CCSER1: variants seen among roughly 807,000 people sequenced by gnomAD.
CCSER1 encodes the protein serine-rich coiled-coil domain-containing protein 1.
Under a neutral mutation model 82.0 loss-of-function variants are expected in CCSER1, and 41 were observed. The observed-to-expected ratio is 0.50, with a 90% confidence interval of 0.39 to 0.65. The LOEUF (loss-of-function observed/expected upper bound fraction) is 0.65. Among genes scored for constraint, CCSER1 ranks in the 30% least tolerant of loss-of-function variants. CCSER1 has a pLI of 0.00. For synonymous variants in CCSER1, 414 were observed against 383.9 expected (o/e 1.08, Z -0.92); for missense variants, 1,119 against 1,064.2 (o/e 1.05, Z -0.72).
At chr4:91,178,830 T>A (rs1733690051) in intron 10 of CCSER1, among the ~76,000 whole-genome samples, 1 of 152,316 alleles carries the variant, frequency 6.6e-6, no homozygotes, top group South Asian at 2.1e-4. Context: ...TGTGTGAATT[T>A]GATCCTGTCA....
chr4:90,330,571 A>G (rs1739097009), intron 3 of CCSER1, among the ~76,000 whole-genome samples: 1 of 152,168 alleles, frequency 6.6e-6, no homozygotes, highest in South Asian at 2.1e-4. Flanking sequence ...CCAGCCGTCC[A>G]CTGGAAGTTG....
At chr4:90,795,287 C>CAAA (rs55780432) in intron 7 of CCSER1, among the ~76,000 whole-genome samples, 1 of 127,604 alleles carries the variant, frequency 7.8e-6, no homozygotes, top group Admixed American at 8.0e-5. Flanking sequence ...AACTCTGTCT[C>CAAA]AAAAAAAAAA....
chr4:90,704,202 G>A (rs1738802143), intron 6 of CCSER1, among the ~76,000 whole-genome samples: 2 of 152,180 alleles, frequency 1.3e-5, no homozygotes, highest in African/African-American at 4.8e-5. Context: ...TTGCTTGTGT[G>A]TAAAGGATTT....
chr4:91,178,341 G>A (rs1278911927), intron 10 of CCSER1, among the ~76,000 whole-genome samples: 1 of 152,098 alleles, frequency 6.6e-6, no homozygotes, highest in African/African-American at 2.4e-5. Flanking sequence ...TTGGTGCAGA[G>A]CTGAGTTCAA....
chr4:90,130,475 G>C (rs900301027), intron 1 of CCSER1, among the ~76,000 whole-genome samples: 6 of 152,048 alleles, frequency 3.9e-5, no homozygotes, highest in African/African-American at 1.4e-4. Context: ...AAAAATATAA[G>C]GTATAAGATG....
At chr4:90,825,007 G>A (rs1017174892) in intron 8 of CCSER1, among the ~76,000 whole-genome samples, 20 of 152,040 alleles carry the variant, frequency 1.3e-4, no homozygotes, top group African/African-American at 4.8e-4. Context: ...TACATAATGG[G>A]GACTGCCTCC....
chr4:90,780,785 T>C (rs1300692427), intron 7 of CCSER1: 1 of 1,155,706 alleles, frequency 8.7e-7, no homozygotes, highest in East Asian at 4.9e-5. Context: ...GACTAAAGTA[T>C]CAATATTTCC....
intron 1 of CCSER1, among the ~76,000 whole-genome samples, chr4:90,221,413 A>G (rs544310278): frequency 6.6e-6 from 1 of 152,282 alleles, no homozygotes; most frequent in South Asian, 2.1e-4. Flanking sequence ...AAAATTCAGC[A>G]TATTTACAGA....
intron 10 of CCSER1, among the ~76,000 whole-genome samples, chr4:91,594,000 C>T (rs1464036783): frequency 6.6e-6 from 1 of 152,102 alleles, no homozygotes; most frequent in Non-Finnish European, 1.5e-5. Context: ...ATAATGTGCA[C>T]AGTCGACTGA....
chr4:91,553,598 A>T (rs1762264889), intron 10 of CCSER1, among the ~76,000 whole-genome samples: 1 of 150,488 alleles, frequency 6.6e-6, no homozygotes, highest in South Asian at 2.1e-4. Flanking sequence ...CAGTCTCCTT[A>T]CTTATTATTA....
chr4:90,996,720 T>G (rs984772864), intron 9 of CCSER1, among the ~76,000 whole-genome samples: 7 of 152,140 alleles, frequency 4.6e-5, no homozygotes, highest in African/African-American at 1.7e-4. Context: ...ATTCTAAATT[T>G]TTTTCATTTC....
chr4:90,564,383 A>C (rs11734079), intron 5 of CCSER1, among the ~76,000 whole-genome samples: 42,187 of 152,026 alleles, frequency 0.28, 6,241 homozygotes, highest in East Asian at 0.51. Context: ...TATTTGTCTT[A>C]TTATTGAGTT....
intron 10 of CCSER1, among the ~76,000 whole-genome samples, chr4:91,332,384 T>G (rs1747019025): frequency 6.6e-6 from 1 of 151,762 alleles, no homozygotes; most frequent in Admixed American, 6.6e-5. Flanking sequence ...GTGGAGAAAT[T>G]TTAGATATAA....
chr4:91,311,228 A>G (rs1745451841), intron 10 of CCSER1, among the ~76,000 whole-genome samples: 1 of 151,932 alleles, frequency 6.6e-6, no homozygotes, highest in South Asian at 2.1e-4. Flanking sequence ...CAGGACTTTT[A>G]AGTACCTGCT....
At chr4:90,713,403 C>A (rs540643186) in intron 6 of CCSER1, among the ~76,000 whole-genome samples, 40 of 151,908 alleles carry the variant, frequency 2.6e-4, no homozygotes, top group African/African-American at 8.9e-4. Flanking sequence ...CACTTATGAA[C>A]CTTAGTTTGG....
chr4:91,031,899 G>A (rs1226776565), intron 9 of CCSER1, among the ~76,000 whole-genome samples: 1 of 152,004 alleles, frequency 6.6e-6, no homozygotes, highest in Non-Finnish European at 1.5e-5. Flanking sequence ...ATTCATTCAT[G>A]TGTCATATAG....
intron 4 of CCSER1, among the ~76,000 whole-genome samples, chr4:90,429,142 G>A (rs1405296403): frequency 6.6e-6 from 1 of 151,716 alleles, no homozygotes; most frequent in Non-Finnish European, 1.5e-5. Context: ...TAAATTCAAA[G>A]TAGTTTTAAA....
intron 1 of CCSER1, among the ~76,000 whole-genome samples, chr4:90,225,331 C>T (rs1189063014): frequency 1.3e-5 from 2 of 150,982 alleles, no homozygotes; most frequent in African/African-American, 4.9e-5. Context: ...CCACCATGGC[C>T]TCCTAAAGTG....
At chr4:90,756,674 C>G (rs1350057587) in intron 7 of CCSER1, among the ~76,000 whole-genome samples, 1 of 152,046 alleles carries the variant, frequency 6.6e-6, no homozygotes, top group Non-Finnish European at 1.5e-5. Context: ...TTTTAGAAGA[C>G]TTGGCAAGAT....
Sources: allele counts gnomAD v4.1 joint callset (sites outside exome capture counted in the v4.1 genomes callset), GRCh38; gene constraint gnomAD v4.1.1; transcripts MANE v1.5; gene names NCBI Gene and HGNC (gene_info 2026-07-23, HGNC 2026-07-21).